PDE11A: variants seen among roughly 807,000 people sequenced by gnomAD.
PDE11A encodes dual 3',5'-cyclic-AMP and -GMP phosphodiesterase 11A.
In PDE11A, 100 loss-of-function variants were observed where a neutral mutation model predicts 100.5. That is an observed-to-expected ratio of 1.00 (90% confidence interval 0.85 to 1.18). The LOEUF (loss-of-function observed/expected upper bound fraction) is 1.18. Among genes scored for constraint, PDE11A ranks in the 50% most tolerant of loss-of-function variants. The pLI, the probability that PDE11A is intolerant of heterozygous loss-of-function variation, is 0.00. For synonymous variants in PDE11A, 381 were observed against 420.8 expected (o/e 0.91, Z 1.16); for missense variants, 1,141 against 1,152.6 (o/e 0.99, Z 0.15).
intron 17 of PDE11A, among the ~76,000 whole-genome samples, chr2:177,674,724 A>T (rs1426353503): frequency 6.6e-6 from 1 of 152,218 alleles, no homozygotes; most frequent in Non-Finnish European, 1.5e-5. Flanking sequence ...GAGATAGTAT[A>T]TATAAAGCAG....
intron 19 of PDE11A, among the ~76,000 whole-genome samples, chr2:177,648,852 C>T (rs2080262291): frequency 6.6e-6 from 1 of 151,940 alleles, no homozygotes; most frequent in Non-Finnish European, 1.5e-5. Context: ...AACTTGGAAA[C>T]ATATTTGTCA....
At chr2:178,096,998 T>C (rs1360548152) in intron 2 of PDE11A, among the ~76,000 whole-genome samples, 3 of 152,176 alleles carry the variant, frequency 2.0e-5, no homozygotes, top group Non-Finnish European at 4.4e-5. Context: ...GCAATTCTCC[T>C]GCCTCAGCCT....
chr2:177,933,680 A>AAAAT (rs999002602), intron 2 of PDE11A, among the ~76,000 whole-genome samples: 20 of 152,092 alleles, frequency 1.3e-4, no homozygotes, highest in Admixed American at 2.0e-4. Context: ...GACTCCATAA[A>AAAAT]AAATAAATAA....
At chr2:177,722,139 C>G (rs1276650994) in intron 12 of PDE11A, among the ~76,000 whole-genome samples, 1 of 152,084 alleles carries the variant, frequency 6.6e-6, no homozygotes, top group Admixed American at 6.6e-5. Context: ...TCACTTTAAT[C>G]AAAAATCCTA....
chr2:178,010,569 C>A (rs2086263706), intron 2 of PDE11A, among the ~76,000 whole-genome samples: 1 of 152,132 alleles, frequency 6.6e-6, no homozygotes, highest in Non-Finnish European at 1.5e-5. Context: ...AATATAACCT[C>A]AAGGAAATAA....
In PDE11A at chr2:178,000,358, C is replaced by T. The variant is rs1260532097; in HGVS notation, c.1071+13944G>A. On this transcript the variant is annotated intron_variant, in intron 2 of 19. Coordinates refer to ENST00000286063, the MANE Select transcript of PDE11A (RefSeq NM_016953.4). ...GAAATATGATGTGGCTTCATTTAAA[C>T]AGCATATTCCATAAATTTTGCTATA... Among the ~76,000 whole-genome samples, 3 of 152,158 alleles carry T rather than the reference C, an allele frequency of 2.0e-5. No individual in the cohort carries two copies. In the South Asian group the frequency reaches 6.2e-4, roughly 32 times the overall value.
chr2:177,847,990 T>G (rs6723691), intron 5 of PDE11A, among the ~76,000 whole-genome samples: 25,372 of 147,856 alleles, frequency 0.17, 2,222 homozygotes, highest in Middle Eastern at 0.24. Flanking sequence ...AATGGTGTGT[T>G]TGTGTGTGTG....
chr2:178,049,872 C>T (rs943798927), intron 1 of PDE11A, among the ~76,000 whole-genome samples: 1 of 152,172 alleles, frequency 6.6e-6, no homozygotes, highest in Admixed American at 6.5e-5. Flanking sequence ...CTGGGTAGAG[C>T]CCACCGCAGC....
chr2:178,049,045 A>G (rs1203455380), intron 1 of PDE11A, among the ~76,000 whole-genome samples: 4 of 152,166 alleles, frequency 2.6e-5, no homozygotes, highest in African/African-American at 9.6e-5. Flanking sequence ...TCTACTCTAC[A>G]TTTCTCAAAA....
chr2:177,719,096 C>G (rs2081486844), intron 12 of PDE11A, among the ~76,000 whole-genome samples: 1 of 152,142 alleles, frequency 6.6e-6, no homozygotes, highest in South Asian at 2.1e-4. Context: ...GAATGTCCAG[C>G]TCCTCCTGCT....
At chr2:178,018,465 A>G (rs2086367534) in intron 1 of PDE11A, 1 of 512,340 alleles carries the variant, frequency 2.0e-6, no homozygotes, top group Admixed American at 2.0e-5. Context: ...GGAAGCTCTG[A>G]CCTTTTAGAC....
At chr2:177,758,231 A>G (rs2082119880) in intron 10 of PDE11A, among the ~76,000 whole-genome samples, 1 of 140,558 alleles carries the variant, frequency 7.1e-6, no homozygotes, top group South Asian at 2.4e-4. Flanking sequence ...CGGGATGCGG[A>G]GCTTGCAGTG....
intron 18 of PDE11A, among the ~76,000 whole-genome samples, chr2:177,664,458 T>C (rs935680090): frequency 3.9e-5 from 6 of 152,220 alleles, no homozygotes; most frequent in Admixed American, 3.9e-4. Context: ...TCAGTAAGGT[T>C]CTGTCATTAA....
At chr2:177,824,154 T>A (rs2083191506) in intron 6 of PDE11A, among the ~76,000 whole-genome samples, 1 of 152,096 alleles carries the variant, frequency 6.6e-6, no homozygotes, top group Non-Finnish European at 1.5e-5. Context: ...CCATGGAGGA[T>A]AACATTGAGG....
chr2:177,969,297 A>T (rs1010075433), intron 2 of PDE11A, among the ~76,000 whole-genome samples: 2 of 152,184 alleles, frequency 1.3e-5, no homozygotes, highest in Non-Finnish European at 2.9e-5. Flanking sequence ...GGATAGCATT[A>T]GGAGAAATAC....
intron 2 of PDE11A, among the ~76,000 whole-genome samples, chr2:178,000,077 T>A (rs1388200099): frequency 6.6e-6 from 1 of 152,192 alleles, no homozygotes; most frequent in Non-Finnish European, 1.5e-5. Context: ...TTTTGTTGAT[T>A]GGCAATGGAA....
intron 10 of PDE11A, among the ~76,000 whole-genome samples, chr2:177,758,296 C>CAAAAA (rs78765770): frequency 9.2e-5 from 6 of 64,990 alleles, no homozygotes; most frequent in Non-Finnish European, 9.7e-5. Flanking sequence ...GACTCCGTCT[C>CAAAAA]AAAAAAAAAA....
chr2:177,829,879 C>T (rs1006006998), intron 6 of PDE11A, among the ~76,000 whole-genome samples: 8 of 152,100 alleles, frequency 5.3e-5, no homozygotes, highest in African/African-American at 1.7e-4. Context: ...TATGTTAGCA[C>T]GGTCACTTCC....
intron 4 of PDE11A, among the ~76,000 whole-genome samples, chr2:177,887,126 G>A (rs1296413812): frequency 6.6e-6 from 1 of 152,086 alleles, no homozygotes; most frequent in Non-Finnish European, 1.5e-5. Context: ...TTAGGGGTCA[G>A]GAAGCTGGGC....
Sources: allele counts gnomAD v4.1 joint callset (sites outside exome capture counted in the v4.1 genomes callset), GRCh38; gene constraint gnomAD v4.1.1; transcripts MANE v1.5; gene names NCBI Gene and HGNC (gene_info 2026-07-23, HGNC 2026-07-21).